METTL15: variants seen among roughly 807,000 people sequenced by gnomAD.
The protein encoded by METTL15 is methyltransferase 15, mitochondrial 12S rRNA N4-cytidine.
In METTL15, 34 loss-of-function variants were observed where a neutral mutation model predicts 38.3. The observed-to-expected ratio is 0.89, with a 90% CI of 0.68 to 1.18. METTL15 has a LOEUF of 1.18. Ranked by LOEUF, METTL15 falls within the 50% of genes most tolerant of loss-of-function variation. The pLI is 0.00. For synonymous variants in METTL15, 162 were observed against 170.9 expected (o/e 0.95, Z 0.41); for missense variants, 438 against 498.4 (o/e 0.88, Z 1.15).
chr11:28,360,764 C>T (rs111854591), intron 4 of METTL15, among the ~76,000 whole-genome samples: 3 of 150,912 alleles, frequency 2.0e-5, no homozygotes, highest in Non-Finnish European at 4.4e-5. Flanking sequence ...CCCATTAACT[C>T]GTCATTTAGC....
chr11:28,372,729 A>C (rs1850259095), intron 5 of METTL15, among the ~76,000 whole-genome samples: 1 of 148,368 alleles, frequency 6.7e-6, no homozygotes, highest in Non-Finnish European at 1.5e-5. Flanking sequence ...CTAACTAGTC[A>C]TCTAGCATTA....
chr11:28,141,490 C>T (rs569743111), intron 3 of METTL15, among the ~76,000 whole-genome samples: 35 of 151,990 alleles, frequency 2.3e-4, no homozygotes, highest in Non-Finnish European at 3.8e-4. Context: ...GGAGACCAGC[C>T]TTGGCAACAT....
At chr11:28,155,043 A>C (rs1193726475) in intron 3 of METTL15, among the ~76,000 whole-genome samples, 1 of 152,168 alleles carries the variant, frequency 6.6e-6, no homozygotes, top group Non-Finnish European at 1.5e-5. Context: ...CAGGATTGAG[A>C]ATACAAGGAA....
At chr11:28,525,976 T>C (rs900009569) in intron 6 of METTL15, among the ~76,000 whole-genome samples, 3 of 152,150 alleles carry the variant, frequency 2.0e-5, no homozygotes, top group African/African-American at 4.8e-5. Context: ...CGGCGAGAAA[T>C]TGAGCACAGC....
intron 3 of METTL15, among the ~76,000 whole-genome samples, chr11:28,209,827 C>T (rs1286632494): frequency 6.6e-6 from 1 of 151,966 alleles, no homozygotes; most frequent in African/African-American, 2.4e-5. Context: ...AAATCCATGA[C>T]AGGAATTTCC....
intron 6 of METTL15, among the ~76,000 whole-genome samples, chr11:28,432,110 T>G (rs563041811): frequency 2.0e-5 from 3 of 152,336 alleles, no homozygotes. Flanking sequence ...AATACCTTTG[T>G]GTGCCATGCA....
At chr11:28,238,851 A>G (rs1472985247) in intron 4 of METTL15, among the ~76,000 whole-genome samples, 1 of 152,230 alleles carries the variant, frequency 6.6e-6, no homozygotes, top group Admixed American at 6.5e-5. Context: ...TGATATCCAC[A>G]ATGCCAAATT....
intron 6 of METTL15, among the ~76,000 whole-genome samples, chr11:28,497,945 T>A (rs1435559340): frequency 1.3e-5 from 2 of 151,712 alleles, no homozygotes. Context: ...TTCCAGCTAC[T>A]TGGGAAGCTG....
At chr11:28,305,850 G>A (rs956712518) in intron 6 of METTL15, among the ~76,000 whole-genome samples, 1 of 151,972 alleles carries the variant, frequency 6.6e-6, no homozygotes, top group Non-Finnish European at 1.5e-5. Context: ...GGCCTTTTAG[G>A]GGCAGAAGTG....
chr11:28,395,484 C>T (rs1163532125), intron 5 of METTL15, among the ~76,000 whole-genome samples: 1 of 152,076 alleles, frequency 6.6e-6, no homozygotes, highest in African/African-American at 2.4e-5. Context: ...CACCTCTACA[C>T]AAATAAACTA....
chr11:28,256,606 T>A (rs745757980), intron 4 of METTL15, among the ~76,000 whole-genome samples: 2 of 152,148 alleles, frequency 1.3e-5, no homozygotes, highest in Non-Finnish European at 2.9e-5. Flanking sequence ...TTTTGGTTAA[T>A]CTGGCTGAAG....
intron 4 of METTL15, among the ~76,000 whole-genome samples, chr11:28,219,900 G>C (rs909668628): frequency 1.3e-5 from 2 of 152,008 alleles, no homozygotes; most frequent in Non-Finnish European, 2.9e-5. Context: ...CTGATTTCTA[G>C]GTTGATTGCA....
chr11:28,281,115 T>G lies in METTL15; in HGVS notation c.408-9091T>G, dbSNP rs566225594. On this transcript the variant is annotated intron_variant, in intron 4 of 6. Coordinates refer to ENST00000407364, the MANE Select transcript of METTL15 (RefSeq NM_001113528.2). ...TAATTTGAGAGTCTTGAAGGTGCCT[T>G]CCTCCAGATACCACTTAATGTTGCT... 7.9e-5 allele frequency among the ~76,000 whole-genome samples: 12 copies of G among 152,344 alleles called. No individual in the cohort carries two copies. In the South Asian group the frequency reaches 1.4e-3, roughly 18 times the overall value.
At chr11:28,132,500 T>C (rs995582615) in intron 3 of METTL15, among the ~76,000 whole-genome samples, 1 of 111,476 alleles carries the variant, frequency 9.0e-6, no homozygotes, top group Non-Finnish European at 2.1e-5. Flanking sequence ...AATAATTTCT[T>C]CTCTCTCTCT....
chr11:28,423,351 C>T (rs1387828527), intron 5 of METTL15, among the ~76,000 whole-genome samples: 1 of 151,658 alleles, frequency 6.6e-6, no homozygotes, highest in African/African-American at 2.4e-5. Flanking sequence ...TAGGTAGATA[C>T]CCCCCCAAAA....
At chr11:28,396,629 T>C (rs1850572102) in intron 5 of METTL15, among the ~76,000 whole-genome samples, 2 of 152,254 alleles carry the variant, frequency 1.3e-5, no homozygotes, top group South Asian at 4.1e-4. Context: ...TGCTCATGGA[T>C]AGGAAGAATC....
chr11:28,264,570 C>T (rs1442507101), intron 4 of METTL15, among the ~76,000 whole-genome samples: 3 of 152,054 alleles, frequency 2.0e-5, no homozygotes, highest in African/African-American at 7.2e-5. Flanking sequence ...ATACAGGAAT[C>T]CTGTGATGCA....
chr11:28,517,645 A>C (rs1851730140), intron 6 of METTL15, among the ~76,000 whole-genome samples: 1 of 152,158 alleles, frequency 6.6e-6, no homozygotes, highest in African/African-American at 2.4e-5. Context: ...TCTTTGTATC[A>C]ATGCCTTATT....
At chr11:28,239,764 C>G (rs1854207143) in intron 4 of METTL15, among the ~76,000 whole-genome samples, 1 of 152,150 alleles carries the variant, frequency 6.6e-6, no homozygotes, top group African/African-American at 2.4e-5. Context: ...AGTCTCTGCT[C>G]AAATGTCTTC....
Sources: allele counts gnomAD v4.1 joint callset (sites outside exome capture counted in the v4.1 genomes callset), GRCh38; gene constraint gnomAD v4.1.1; transcripts MANE v1.5; gene names NCBI Gene and HGNC (gene_info 2026-07-23, HGNC 2026-07-21).